Variants in TPCN2 observed in about 807,000 individuals in gnomAD.
TPCN2 encodes two pore segment channel 2, also known as two pore channel protein 2.
TPCN2 carries 92 observed loss-of-function variants against 111.4 expected under a neutral mutation model. The observed-to-expected ratio is 0.83, with a 90% CI of 0.70 to 0.98. TPCN2 has a LOEUF of 0.98. Among genes scored for constraint, TPCN2 ranks in the 50% least tolerant of loss-of-function variants. The pLI is 0.00. For missense variants in TPCN2, 995 were observed against 980.1 expected, an observed-to-expected ratio of 1.02 and a Z score of -0.20; for synonymous variants, 405 against 414.5, an observed-to-expected ratio of 0.98 and a Z score of 0.28.
chr11:69,050,977 C>T (rs1160318103), intron 1 of TPCN2, among the ~76,000 whole-genome samples: 4 of 152,354 alleles, frequency 2.6e-5, no homozygotes, highest in Middle Eastern at 3.4e-3. Flanking sequence ...GCTCTGTGTT[C>T]TGAATCCCCT....
rs745380160 is a variant in TPCN2 at position 69,087,885 on chromosome 11, G to C, written c.2191G>C (p.Glu731Gln). ...TCCTCAATTCCACAGGGATATTCTG[G>C]AGGAGCCCGGGGAGGATGAGCTCAC... Reference protein sequence around the residue: ...TVELLFRDILEEPGEDELTER... With the variant: ...TVELLFRDILQEPGEDELTER... Residue 731 changes from glutamate (E) to glutamine (Q), a missense_variant, in exon 25 of 25, where the codon GAG becomes CAG. Transcript: ENST00000294309. The C allele has an allele frequency of 6.2e-7, 1 of 1,612,766 alleles. No individual in the cohort carries two copies.
At chr11:69,085,459 C>G (rs1300458714) in intron 20 of TPCN2, among the ~76,000 whole-genome samples, 173 bp downstream of exon 20, 4 of 152,076 alleles carry the variant, frequency 2.6e-5, no homozygotes, top group Non-Finnish European at 2.9e-5. Flanking sequence ...CACCTCCGCT[C>G]CGCACCTCTC....
chr11:69,061,800 A>C (rs1855032695), intron 5 of TPCN2, among the ~76,000 whole-genome samples: 1 of 151,924 alleles, frequency 6.6e-6, no homozygotes, highest in African/African-American at 2.4e-5. Flanking sequence ...GTTGGGGCAG[A>C]AGGTGGTGAT....
Position 69,063,907 on chromosome 11 carries a change from G to T in TPCN2, c.666G>T (p.Leu222=), listed in dbSNP as rs760807893. 3 of 1,614,048 alleles carry T rather than the reference G, an allele frequency of 1.9e-6. No individual in the cohort carries two copies. The highest frequency in any genetic ancestry group is 1.7e-4 in the Middle Eastern group (1 of 6,058). The change falls in exon 7 of 25, where the codon CTG becomes CTT. Residue 222 remains leucine, a synonymous_variant. Transcript: ENST00000294309. ...TGCTCTCCCCCAGCGTCGGGCTGCT[G>T]CTGGCCATCCACCTGTGCCTCTTCA... ...SLPEMASVGL[L]LAIHLCLFTM... is the part of the protein sequence containing the mutation.
chr11:69,079,955 CAGT>C, intron 17 of TPCN2, 72 bp downstream of exon 17: 2 of 1,440,192 alleles, frequency 1.4e-6, no homozygotes, highest in South Asian at 1.2e-5. Flanking sequence ...GGGAGGGTCT[CAGT>C]GGTGTCCAGG....
At position 69,067,488 on chromosome 11, in the gene TPCN2, C is replaced by G; in HGVS notation, c.727-15C>G. 6.2e-7 allele frequency: 1 copy of G among 1,610,014 alleles called. No individual in the cohort carries two copies. The highest frequency in any genetic ancestry group is 8.5e-7 in the Non-Finnish European group (1 of 1,178,288). On this transcript the variant is annotated splice_polypyrimidine_tract_variant and intron_variant, in intron 7 of 24. Transcript: ENST00000294309. ...GGACCCAGTGGTGCCCTGGAGCTGC[C>G]GCTTCTGCTCTTAGCAGGATGATGG...
intron 23 of TPCN2, 118 bp downstream of exon 23, chr11:69,086,722 G>GT: frequency 4.2e-6 from 4 of 960,000 alleles, no homozygotes; most frequent in Non-Finnish European, 6.6e-6. Flanking sequence ...GTCGTGCTGG[G>GT]TTAGGCGGGT....
At chr11:69,059,027 C>T (rs1189933429) in intron 5 of TPCN2, among the ~76,000 whole-genome samples, 3 of 152,228 alleles carry the variant, frequency 2.0e-5, no homozygotes, top group South Asian at 2.1e-4. Flanking sequence ...TATACCTGGC[C>T]GTGGGCCCTG....
chr11:69,067,625 G>T lies in TPCN2; in HGVS notation c.829+20G>T. Reference sequence around the variant, plus strand: ...CCGATGGTGCGTGCAGGGCCAGGGAGGGACCGTGGGGGTCGGTGAGCCCAG... The same window carrying T: ...CCGATGGTGCGTGCAGGGCCAGGGATGGACCGTGGGGGTCGGTGAGCCCAG... On this transcript the variant is annotated intron_variant, in intron 8 of 24. Transcript: ENST00000294309. 6.2e-7 allele frequency: 1 copy of T among 1,611,456 alleles called. No homozygotes were observed. The highest frequency in any genetic ancestry group is 2.2e-5 in the East Asian group (1 of 44,864).
intron 20 of TPCN2, 57 bp downstream of exon 20, chr11:69,085,343 G>GGGGGGGGTA: frequency 1.7e-6 from 1 of 581,892 alleles, no homozygotes; most frequent in Non-Finnish European, 3.4e-6. Context: ...GGGTGGGCGG[G>GGGGGGGGTA]AAGCCTTGGC....
chr11:69,062,898 C>A lies in TPCN2; in HGVS notation c.561C>A (p.Arg187=), dbSNP rs1264399807. The change falls in exon 6 of 25, where the codon CGC becomes CGA. Residue 187 remains arginine, a synonymous_variant. Coordinates refer to ENST00000294309, the MANE Select transcript of TPCN2 (RefSeq NM_139075.4). ...GTCTCTTCCAGCCCCTGCGGATCCGCCGGCTTCTCCGTCCCTTCTTCCTGC... is the reference window on the plus strand; with the variant it reads ...GTCTCTTCCAGCCCCTGCGGATCCGACGGCTTCTCCGTCCCTTCTTCCTGC... ...SLVCHEPLRI[R]RLLRPFFLLQ... The A allele has an allele frequency of 6.2e-7, 1 of 1,613,852 alleles. No homozygotes were observed. Among genetic ancestry groups the A allele is most frequent in the Non-Finnish European group, 8.5e-7 (1 of 1,179,908 alleles).
intron 5 of TPCN2, among the ~76,000 whole-genome samples, chr11:69,058,806 GT>G (rs1854890052): frequency 6.6e-6 from 1 of 152,258 alleles, no homozygotes; most frequent in Non-Finnish European, 1.5e-5. Flanking sequence ...AGCCTCTTGC[GT>G]GACTGCCCCA....
rs922060933 is a variant in TPCN2, at chr11:69,055,427, C to T, written c.429+75C>T. On this transcript the variant is annotated intron_variant, in intron 4 of 24. Coordinates refer to ENST00000294309, the MANE Select transcript of TPCN2 (RefSeq NM_139075.4). Reference sequence around the variant, plus strand: ...TGGCCGCTGCTCTCCTGGTTTATTGCTGATTCTCTGGAGTGAGCTGCCTTT... The same window carrying T: ...TGGCCGCTGCTCTCCTGGTTTATTGTTGATTCTCTGGAGTGAGCTGCCTTT... The T allele has an allele frequency of 2.1e-6, 3 of 1,402,676 alleles. No individual in the cohort carries two copies. The African/African-American group carries it at 4.3e-5, about 20-fold the overall frequency. The allele number at this position is 1,402,676 out of a possible 1,614,324, so 86.9% of individuals were successfully genotyped here. A position where few individuals can be genotyped will look rare whatever the true frequency, so the allele number is the denominator to read the frequency against.
intron 5 of TPCN2, among the ~76,000 whole-genome samples, chr11:69,058,525 T>C (rs1333014949): frequency 4.8e-5 from 2 of 41,416 alleles, no homozygotes; most frequent in South Asian, 1.2e-3. Context: ...GCAGTGCCGA[T>C]GTGGGGGCTG....
chr11:69,054,242 G>A (rs562598080), intron 2 of TPCN2, 145 bp downstream of exon 2: 7 of 668,152 alleles, frequency 1.0e-5, no homozygotes, highest in South Asian at 3.5e-5. Flanking sequence ...CTCTGGGCAC[G>A]GCTCTTCGTC....
intron 13 of TPCN2, among the ~76,000 whole-genome samples, chr11:69,073,893 C>T (rs1042990140): frequency 3.3e-5 from 5 of 152,202 alleles, no homozygotes; most frequent in Admixed American, 6.5e-5. Context: ...CTGTAGACAT[C>T]GCCTTCTCCC....
intron 2 of TPCN2, 142 bp from the exon 3 acceptor site, chr11:69,054,579 G>T: frequency 1.3e-6 from 1 of 756,886 alleles, no homozygotes; most frequent in Non-Finnish European, 2.2e-6. Flanking sequence ...GATGGGTCAG[G>T]GCTGGCCATG....
At chr11:69,075,449 A>G (rs931317691) in intron 13 of TPCN2, among the ~76,000 whole-genome samples, 1 of 152,150 alleles carries the variant, frequency 6.6e-6, no homozygotes, top group African/African-American at 2.4e-5. Context: ...AGTTTGGGGA[A>G]TAAGGGTAAG....
At chr11:69,052,240 G>C (rs1485756938) in intron 1 of TPCN2, among the ~76,000 whole-genome samples, 2 of 152,138 alleles carry the variant, frequency 1.3e-5, no homozygotes, top group Non-Finnish European at 2.9e-5. Context: ...TGTATCACTA[G>C]ATCTCTCCTG....
Sources: gnomAD v4.1 joint callset for allele counts (sites outside exome capture counted in the v4.1 genomes callset) on GRCh38, gnomAD v4.1.1 for gene constraint, MANE v1.5 for transcripts, NCBI Gene and HGNC (gene_info 2026-07-23, HGNC 2026-07-21) for gene names.